PHF20L1: variants seen among roughly 807,000 people sequenced by gnomAD.
PHF20L1 encodes the protein PHD finger protein 20 like 1.
A neutral mutation model predicts 125.5 loss-of-function variants in PHF20L1; 44 were observed. The observed-to-expected ratio is 0.35, with a 90% CI of 0.28 to 0.45. The LOEUF (loss-of-function observed/expected upper bound fraction) is 0.45. PHF20L1 is among the 20% of genes least tolerant of loss of function. The pLI, the probability that PHF20L1 is intolerant of heterozygous loss-of-function variation, is 1.00. For synonymous variants in PHF20L1, 380 were observed against 403.1 expected (o/e 0.94, Z 0.69); for missense variants, 1,012 against 1,217.2 (o/e 0.83, Z 2.51).
chr8:132,805,162 G>A (rs926661681), intron 8 of PHF20L1, among the ~76,000 whole-genome samples: 1 of 151,856 alleles, frequency 6.6e-6, no homozygotes, highest in African/African-American at 2.4e-5. Context: ...AAAGATGACT[G>A]TCTGACTTAC....
intron 2 of PHF20L1, among the ~76,000 whole-genome samples, chr8:132,785,885 C>T (rs1329507875): frequency 1.3e-5 from 2 of 151,920 alleles, no homozygotes; most frequent in Non-Finnish European, 2.9e-5. Flanking sequence ...GAAGTATAAG[C>T]TACTTATATG....
Position 132,839,778 on chromosome 8 carries a change from TGTAA to T in PHF20L1, c.2387+199_2387+202del, listed in dbSNP as rs1222414492. ...GGTGCTTCCTGTCTATTCTAGAATG[TGTAA>T]GTGTGGTTAAAGGTAGATACGGCAT... is the stretch of plus-strand genomic sequence containing the variant. On this transcript the variant is annotated intron_variant, in intron 18 of 20. Coordinates refer to ENST00000395386, the MANE Select transcript of PHF20L1 (RefSeq NM_016018.5). 3.3e-5 allele frequency among the ~76,000 whole-genome samples: 5 copies of T among 152,212 alleles called. No individual in the cohort carries two copies. The East Asian group carries it at 9.7e-4, about 29-fold the overall frequency.
chr8:132,813,931 G>A (rs1245431894), intron 9 of PHF20L1, among the ~76,000 whole-genome samples: 3 of 151,284 alleles, frequency 2.0e-5, no homozygotes, highest in Non-Finnish European at 3.0e-5. Flanking sequence ...AGAATGCGAC[G>A]TATTTTGTTT....
chr8:132,795,414 A>AT (rs1171218478), intron 4 of PHF20L1, among the ~76,000 whole-genome samples: 1 of 152,154 alleles, frequency 6.6e-6, no homozygotes, highest in African/African-American at 2.4e-5. Context: ...TAACACAGAA[A>AT]TTAGGCATGT....
intron 8 of PHF20L1, 79 bp from the exon 9 acceptor site, chr8:132,810,967 G>T: frequency 1.2e-6 from 1 of 851,984 alleles, no homozygotes. Context: ...AATTTCAACT[G>T]CTAAGATTTT....
intron 9 of PHF20L1, among the ~76,000 whole-genome samples, chr8:132,813,993 T>C (rs1834680999): frequency 6.6e-6 from 1 of 151,886 alleles, no homozygotes; most frequent in African/African-American, 2.4e-5. Context: ...TTTTTTTTGT[T>C]GTTGTTGCTT....
intron 8 of PHF20L1, among the ~76,000 whole-genome samples, chr8:132,805,179 T>C (rs1452104725): frequency 2.0e-5 from 3 of 151,984 alleles, no homozygotes; most frequent in Non-Finnish European, 4.4e-5. Context: ...TTACATTTAC[T>C]TCCTGAATCT....
At chr8:132,776,841 A>G (rs1259854224) in intron 1 of PHF20L1, among the ~76,000 whole-genome samples, 5 of 152,224 alleles carry the variant, frequency 3.3e-5, no homozygotes, top group East Asian at 1.9e-4. Flanking sequence ...CCTGATAACA[A>G]TCAATTTACA....
intron 14 of PHF20L1, among the ~76,000 whole-genome samples, chr8:132,830,461 T>C (rs1028984634): frequency 6.6e-6 from 1 of 152,116 alleles, no homozygotes; most frequent in Non-Finnish European, 1.5e-5. Context: ...AGCTGCCACC[T>C]TCAAATGGAT....
At chr8:132,812,323 T>C in intron 9 of PHF20L1, 1 of 984,960 alleles carries the variant, frequency 1.0e-6, no homozygotes, top group Non-Finnish European at 1.2e-6. Context: ...TTCATTACAA[T>C]GTCAATCTTT....
At chr8:132,776,931 G>GGCCA (rs1829863092) in intron 1 of PHF20L1, among the ~76,000 whole-genome samples, 1 of 152,052 alleles carries the variant, frequency 6.6e-6, no homozygotes, top group South Asian at 2.1e-4. Flanking sequence ...GTGAAAAAGA[G>GGCCA]GCCACCTCAA....
chr8:132,792,647 A>T (rs1831869442), intron 2 of PHF20L1, among the ~76,000 whole-genome samples: 1 of 152,148 alleles, frequency 6.6e-6, no homozygotes, highest in African/African-American at 2.4e-5. Context: ...GCCTGCAAAC[A>T]TTCCCTGAGT....
intron 4 of PHF20L1, among the ~76,000 whole-genome samples, chr8:132,798,051 G>A (rs1004709250): frequency 8.6e-5 from 13 of 151,990 alleles, no homozygotes; most frequent in African/African-American, 3.1e-4. Flanking sequence ...AAGTGAATAT[G>A]CTTCATAATA....
chr8:132,814,552 A>G, intron 9 of PHF20L1, 85 bp from the exon 10 acceptor site: 6 of 900,584 alleles, frequency 6.7e-6, no homozygotes, highest in South Asian at 2.1e-5. Flanking sequence ...TCTGGATACT[A>G]AAGTTGCTTA....
chr8:132,833,744 G>T (rs987706358), intron 15 of PHF20L1, among the ~76,000 whole-genome samples: 3 of 152,106 alleles, frequency 2.0e-5, no homozygotes, highest in African/African-American at 7.2e-5. Context: ...CCTTGAAAGA[G>T]CATGAAAAGA....
chr8:132,778,347 G>T (rs1011372536), intron 2 of PHF20L1, among the ~76,000 whole-genome samples: 1 of 152,106 alleles, frequency 6.6e-6, no homozygotes, highest in Non-Finnish European at 1.5e-5. Flanking sequence ...GGTTAGCATA[G>T]CATTTTTTCA....
rs1829580033 is a variant in PHF20L1 at position 132,775,567 on chromosome 8, G to A, written c.-116G>A. 1 of 357,930 alleles carries A rather than the reference G, an allele frequency of 2.8e-6. No homozygotes were observed. The highest frequency in any genetic ancestry group is 2.1e-5 in the African/African-American group (1 of 46,848). 22.2% of individuals were successfully genotyped at this position (357,930 alleles called of 1,614,324 possible). A position where few individuals can be genotyped will look rare whatever the true frequency, so the allele number is the denominator to read the frequency against. On this transcript the variant is annotated 5_prime_UTR_variant, in exon 1 of 21. Coordinates refer to ENST00000395386, the MANE Select transcript of PHF20L1 (RefSeq NM_016018.5). ...CTGCCTGGGCGGAGGCAGAGGCAGA[G>A]GCCCGGGCTGGCCGCCCTGCTCGTG...
Position 132,832,389 on chromosome 8 carries a change from T to C in PHF20L1, c.1899T>C (p.Leu633=). The C allele has an allele frequency of 1.2e-6, 2 of 1,610,310 alleles. No homozygotes were observed. Among genetic ancestry groups the C allele is most frequent in the Non-Finnish European group, 1.7e-6 (2 of 1,177,130 alleles). ...QYPRAILSVD[L]SGENLSDVDF... The stretch of plus-strand genomic sequence containing the variant: ...CAAGGGCAATTCTATCCGTTGATCT[T>C]AGTGGTGAAAGTATGTGTAACCATG... Residue 633 remains leucine (L), a synonymous_variant, in exon 15 of 21, where the codon CTT becomes CTC. Transcript: ENST00000395386.
intron 13 of PHF20L1, chr8:132,824,517 T>C (rs2131774827): frequency 6.4e-6 from 1 of 156,962 alleles, no homozygotes; most frequent in Non-Finnish European, 1.4e-5. Context: ...TTAAATATAC[T>C]GTAGATTAGT....
Sources: gnomAD v4.1 joint callset for allele counts (sites outside exome capture counted in the v4.1 genomes callset) on GRCh38, gnomAD v4.1.1 for gene constraint, MANE v1.5 for transcripts, NCBI Gene and HGNC (gene_info 2026-07-23, HGNC 2026-07-21) for gene names.